The following ZNF804A variants were observed in gnomAD, a reference collection of about 807,000 sequenced individuals.
ZNF804A encodes the protein zinc finger protein 804A.
Under a neutral mutation model 16.5 loss-of-function variants are expected in ZNF804A, and 2 were observed. The ratio of observed to expected loss-of-function variants is 0.12; its 90% CI spans 0.05 to 0.38. The LOEUF (loss-of-function observed/expected upper bound fraction) is 0.38, where lower values mean the gene tolerates loss of function less well. Among genes scored for constraint, ZNF804A ranks in the 10% least tolerant of loss-of-function variants. The pLI is 0.99. For synonymous variants in ZNF804A, 534 were observed against 489.6 expected, an observed-to-expected ratio of 1.09 and a Z score of -1.20; for missense variants, 1,473 against 1,390.7, an observed-to-expected ratio of 1.06 and a Z score of -0.94.
At chr2:184,642,001 T>A (rs72897782) in intron 1 of ZNF804A, among the ~76,000 whole-genome samples, 16,626 of 152,168 alleles carry the variant, frequency 0.11, 1,173 homozygotes, top group Non-Finnish European at 0.16. Flanking sequence ...CTTTAACTTT[T>A]AATGTCTGTC....
chr2:184,680,722 C>A (rs1411533363), intron 1 of ZNF804A, among the ~76,000 whole-genome samples: 1 of 152,232 alleles, frequency 6.6e-6, no homozygotes, highest in Admixed American at 6.5e-5. Flanking sequence ...AACTTGGGAC[C>A]CACTGAATGG....
chr2:184,671,139 G>T (rs6745295), intron 1 of ZNF804A, among the ~76,000 whole-genome samples: 33,615 of 151,806 alleles, frequency 0.22, 3,980 homozygotes, highest in African/African-American at 0.3. Flanking sequence ...TCAGGCTTTT[G>T]AGCTTTTTTC....
intron 1 of ZNF804A, among the ~76,000 whole-genome samples, chr2:184,667,339 G>T (rs962335111): frequency 6.6e-6 from 1 of 151,748 alleles, no homozygotes; most frequent in Non-Finnish European, 1.5e-5. Flanking sequence ...TAAACATTCT[G>T]CATTTGTGAA....
intron 1 of ZNF804A, among the ~76,000 whole-genome samples, chr2:184,778,127 T>C (rs1435463583): frequency 1.3e-5 from 2 of 151,698 alleles, no homozygotes; most frequent in Non-Finnish European, 2.9e-5. Context: ...AAAGTAGCTG[T>C]GTTAAAGCTC....
chr2:184,631,998 A>G (rs1006246099), intron 1 of ZNF804A, among the ~76,000 whole-genome samples: 3 of 152,238 alleles, frequency 2.0e-5, no homozygotes, highest in Non-Finnish European at 2.9e-5. Flanking sequence ...AAAGTAAAGT[A>G]AAATATAGAT....
At chr2:184,810,193 A>G (rs780217398) in intron 1 of ZNF804A, among the ~76,000 whole-genome samples, 5 of 152,190 alleles carry the variant, frequency 3.3e-5, no homozygotes, top group Non-Finnish European at 7.4e-5. Flanking sequence ...AGGAGAGTTG[A>G]GGAGTTGGAA....
intron 2 of ZNF804A, among the ~76,000 whole-genome samples, chr2:184,876,403 C>T (rs1254780500): frequency 1.3e-5 from 2 of 151,694 alleles, no homozygotes; most frequent in South Asian, 2.1e-4. Context: ...GTGTGTATGT[C>T]GTGTGTACTT....
At chr2:184,760,213 T>G (rs1694021185) in intron 1 of ZNF804A, among the ~76,000 whole-genome samples, 1 of 152,128 alleles carries the variant, frequency 6.6e-6, no homozygotes, top group African/African-American at 2.4e-5. Context: ...CTCAGAGGCC[T>G]GACAATTATG....
intron 1 of ZNF804A, among the ~76,000 whole-genome samples, chr2:184,757,642 G>A (rs1033142696): frequency 3.3e-5 from 5 of 151,928 alleles, no homozygotes; most frequent in South Asian, 4.1e-4. Context: ...TGTTTTGTTT[G>A]TCATTATAGT....
intron 1 of ZNF804A, among the ~76,000 whole-genome samples, chr2:184,744,615 C>A (rs1310594984): frequency 6.6e-6 from 1 of 151,890 alleles, no homozygotes; most frequent in Non-Finnish European, 1.5e-5. Flanking sequence ...AAGGGAATTT[C>A]TTTGTTTTTT....
intron 1 of ZNF804A, among the ~76,000 whole-genome samples, chr2:184,839,392 C>A (rs1009266086): frequency 4.6e-5 from 7 of 151,892 alleles, no homozygotes; most frequent in African/African-American, 1.7e-4. Flanking sequence ...AATCTGGACT[C>A]CTGTGCAAAG....
chr2:184,937,202 A>T lies in ZNF804A; in HGVS notation c.1806A>T (p.Leu602Phe). 6.2e-7 allele frequency: 1 copy of T among 1,600,220 alleles called. No individual in the cohort carries two copies. Among genetic ancestry groups the T allele is most frequent in the Non-Finnish European group, 8.5e-7 (1 of 1,176,810 alleles). ...GAAGAAAGAAAAAAAGAAAAAAGTT[A>T]TGTCAGCATCATCATATGGAGAAAA... ...KSRRKKKRKK[L>F]CQHHHMEKTK... is the part of the protein sequence containing the mutation. The change falls in exon 4 of 4, where the codon TTA becomes TTT. Residue 602 changes from leucine to phenylalanine, a missense_variant. By Grantham distance (22) the Leu-to-Phe change is conservative. Transcript: ENST00000302277.
At chr2:184,872,889 G>T (rs910526410) in intron 2 of ZNF804A, among the ~76,000 whole-genome samples, 3 of 152,110 alleles carry the variant, frequency 2.0e-5, no homozygotes, top group Admixed American at 2.0e-4. Context: ...GTTGATACAG[G>T]TATAGACAGA....
chr2:184,924,151 C>G (rs973305668), intron 2 of ZNF804A, among the ~76,000 whole-genome samples: 4 of 151,556 alleles, frequency 2.6e-5, no homozygotes, highest in African/African-American at 9.7e-5. Context: ...AGGATTGCTA[C>G]TAGTTCTTTA....
chr2:184,656,587 G>A (rs1247791053), intron 1 of ZNF804A, among the ~76,000 whole-genome samples: 9 of 152,004 alleles, frequency 5.9e-5, no homozygotes, highest in Non-Finnish European at 1.3e-4. Flanking sequence ...AGTTAAGGCA[G>A]AATGTTGTAT....
intron 1 of ZNF804A, among the ~76,000 whole-genome samples, chr2:184,806,096 G>GA (rs1199615860): frequency 3.3e-5 from 5 of 151,742 alleles, no homozygotes; most frequent in South Asian, 2.1e-4. Context: ...TTTATAGTCA[G>GA]AAAAAAAATT....
intron 1 of ZNF804A, among the ~76,000 whole-genome samples, chr2:184,693,435 T>C (rs1048007107): frequency 1.3e-5 from 2 of 152,202 alleles, no homozygotes; most frequent in Admixed American, 6.5e-5. Flanking sequence ...TTTCTACTTA[T>C]TGCATTTTAT....
chr2:184,638,345 T>A (rs1474091981), intron 1 of ZNF804A, among the ~76,000 whole-genome samples: 2 of 152,188 alleles, frequency 1.3e-5, no homozygotes, highest in Non-Finnish European at 2.9e-5. Context: ...CAAGATTGCA[T>A]CGAGGTTCAT....
rs770630671 is a variant in ZNF804A, at chr2:184,936,349, T to C, written c.953T>C (p.Leu318Ser). Residue 318 changes from leucine (L) to serine (S), a missense_variant, in exon 4 of 4, where the codon TTA (leucine) becomes TCA (serine). By Grantham distance (145) the Leu-to-Ser change is moderately radical (BLOSUM62 -2). Transcript: ENST00000302277. Reference protein sequence around the residue: ...LPSFCKFQLQLSSDADNCQNS... With the variant: ...LPSFCKFQLQSSSDADNCQNS... Reference sequence around the variant, plus strand: ...TCATTTTGCAAGTTTCAACTTCAGTTATCTTCTGATGCAGATAATTGTCAA... The same window carrying C: ...TCATTTTGCAAGTTTCAACTTCAGTCATCTTCTGATGCAGATAATTGTCAA... 5 of 1,613,870 alleles carry C rather than the reference T, an allele frequency of 3.1e-6. No individual in the cohort carries two copies. The highest frequency in any genetic ancestry group is 4.2e-6 in the Non-Finnish European group (5 of 1,179,946).
Sources: allele counts gnomAD v4.1 joint callset (sites outside exome capture counted in the v4.1 genomes callset), GRCh38; gene constraint gnomAD v4.1.1; transcripts MANE v1.5; gene names NCBI Gene and HGNC (gene_info 2026-07-23, HGNC 2026-07-21).